Variants in NSG1 observed in about 807,000 individuals in gnomAD.
NSG1 encodes neuronal vesicle trafficking-associated protein 1.
A neutral mutation model predicts 19.3 loss-of-function variants in NSG1; 9 were observed. That is an observed-to-expected ratio of 0.47 (90% CI 0.28 to 0.81). The LOEUF (loss-of-function observed/expected upper bound fraction) is 0.81, where lower values mean the gene tolerates loss of function less well. Ranked by LOEUF, NSG1 falls within the 40% of genes least tolerant of loss-of-function variation. The pLI is 0.11. For missense variants in NSG1, 236 were observed against 242.4 expected, an observed-to-expected ratio of 0.97 and a Z score of 0.18; for synonymous variants, 104 against 107.0, an observed-to-expected ratio of 0.97 and a Z score of 0.17.
At chr4:4,401,099 A>G (rs1168449731) in intron 3 of NSG1, among the ~76,000 whole-genome samples, 5 of 152,384 alleles carry the variant, frequency 3.3e-5, no homozygotes, top group South Asian at 2.1e-4. Flanking sequence ...CGTGGGATGC[A>G]CAGCAATGAG....
intron 4 of NSG1, among the ~76,000 whole-genome samples, chr4:4,416,747 C>G (rs559333359): frequency 2.0e-5 from 3 of 152,142 alleles, no homozygotes; most frequent in Non-Finnish European, 4.4e-5. Context: ...CCTCTTCTGA[C>G]TCCCGCCCCA....
At chr4:4,410,697 G>A (rs1203919491) in intron 4 of NSG1, among the ~76,000 whole-genome samples, 1 of 152,220 alleles carries the variant, frequency 6.6e-6, no homozygotes, top group Non-Finnish European at 1.5e-5. Flanking sequence ...GGTCTGGGTG[G>A]GTGAGTGAGG....
intron 3 of NSG1, among the ~76,000 whole-genome samples, chr4:4,399,048 G>A (rs1170644454): frequency 2.0e-5 from 3 of 152,152 alleles, no homozygotes; most frequent in African/African-American, 7.2e-5. Flanking sequence ...ATGATGTCCT[G>A]CATCTTTTCA....
chr4:4,416,020 CA>C (rs1479460166), intron 4 of NSG1: 5 of 693,602 alleles, frequency 7.2e-6, no homozygotes, highest in African/African-American at 7.0e-5. Flanking sequence ...GGCTGTACTT[CA>C]GTGGTGTCTT....
intron 3 of NSG1, among the ~76,000 whole-genome samples, chr4:4,407,999 G>T (rs921033816): frequency 6.6e-6 from 1 of 152,092 alleles, no homozygotes; most frequent in Non-Finnish European, 1.5e-5. Flanking sequence ...CATGCTGCAC[G>T]GCTGATAGGA....
At chr4:4,400,623 C>T (rs1041933886) in intron 3 of NSG1, among the ~76,000 whole-genome samples, 1 of 152,088 alleles carries the variant, frequency 6.6e-6, no homozygotes, top group African/African-American at 2.4e-5. Context: ...CTTTAAGTTC[C>T]TTCAAAAATT....
intron 3 of NSG1, among the ~76,000 whole-genome samples, chr4:4,401,494 G>C (rs1426235486): frequency 1.3e-5 from 2 of 152,160 alleles, no homozygotes; most frequent in East Asian, 3.9e-4. Context: ...CTTTCTTCCT[G>C]CTGGACTCCC....
In NSG1 at chr4:4,404,646, A is replaced by G. The variant is rs183830358; in HGVS notation, c.247-4927A>G. ...TAGAGGAAGCTTAAAAGATACTGCA[A>G]GGTCCTGGAGGAAACGCCGATGTCT... On this transcript the variant is annotated intron_variant, in intron 3 of 4. Transcript: ENST00000621129. 5.4e-4 allele frequency among the ~76,000 whole-genome samples: 82 copies of G among 152,362 alleles called. No homozygotes were observed. In the Middle Eastern group the frequency reaches 0.017, roughly 32 times the overall value.
intron 3 of NSG1, among the ~76,000 whole-genome samples, chr4:4,402,047 ATTTTTT>A (rs35299425): frequency 3.3e-5 from 4 of 122,306 alleles, no homozygotes; most frequent in African/African-American, 1.2e-4. Flanking sequence ...TGCCCAGCTA[ATTTTTT>A]TTTTTTTTTT....
At chr4:4,389,921 G>T (rs7670059) in intron 2 of NSG1, among the ~76,000 whole-genome samples, 58,590 of 152,014 alleles carry the variant, frequency 0.39, 11,619 homozygotes, top group East Asian at 0.46. Context: ...AATGCCATGA[G>T]GTCACTACCA....
chr4:4,391,623 T>C (rs753192542), intron 3 of NSG1, 32 bp downstream of exon 3: 1 of 1,463,132 alleles, frequency 6.8e-7, no homozygotes, highest in Admixed American at 2.0e-5. Context: ...GAGATGCTGC[T>C]TTTGCCCCCA....
At chr4:4,407,378 C>A (rs138217417) in intron 3 of NSG1, among the ~76,000 whole-genome samples, 1 of 151,954 alleles carries the variant, frequency 6.6e-6, no homozygotes, top group Non-Finnish European at 1.5e-5. Context: ...TGTAGTGGGT[C>A]TGAGCTGGGG....
intron 3 of NSG1, among the ~76,000 whole-genome samples, chr4:4,398,452 C>A (rs190915633): frequency 6.6e-6 from 1 of 152,210 alleles, no homozygotes; most frequent in East Asian, 1.9e-4. Context: ...CATGCCCCCC[C>A]CCACAGCCCC....
At chr4:4,407,567 C>T (rs146088457) in intron 3 of NSG1, among the ~76,000 whole-genome samples, 6 of 152,290 alleles carry the variant, frequency 3.9e-5, no homozygotes, top group African/African-American at 9.6e-5. Context: ...AGAGAGGCCA[C>T]GTCCCTCAGC....
chr4:4,411,828 C>T (rs546628266), intron 4 of NSG1, among the ~76,000 whole-genome samples: 14 of 140,380 alleles, frequency 1.0e-4, no homozygotes, highest in East Asian at 5.8e-4. Context: ...TGGAGGAGCT[C>T]CCTGAAGCTC....
At chr4:4,399,264 C>T (rs1230839294) in intron 3 of NSG1, among the ~76,000 whole-genome samples, 1 of 152,020 alleles carries the variant, frequency 6.6e-6, no homozygotes, top group African/African-American at 2.4e-5. Context: ...CACCTCAGCC[C>T]CTGGAGTAGC....
intron 2 of NSG1, among the ~76,000 whole-genome samples, chr4:4,389,031 C>T (rs1031497799): frequency 4.6e-5 from 7 of 152,222 alleles, no homozygotes; most frequent in African/African-American, 1.4e-4. Flanking sequence ...GTCCAGTTAG[C>T]GGGGCCTGGC....
intron 4 of NSG1, among the ~76,000 whole-genome samples, chr4:4,411,766 A>AAAACACAACACAAC (rs1668399198): frequency 8.9e-6 from 1 of 112,132 alleles, no homozygotes; most frequent in African/African-American, 6.1e-5. Flanking sequence ...AACAAAACAA[A>AAAACACAACACAAC]ACAAAACAAA....
chr4:4,408,431 G>A (rs1388251707), intron 3 of NSG1, among the ~76,000 whole-genome samples: 3 of 152,214 alleles, frequency 2.0e-5, no homozygotes, highest in Non-Finnish European at 4.4e-5. Context: ...TGGGCAGGCG[G>A]AGGGCCATCT....
Sources: gnomAD v4.1 joint callset for allele counts (sites outside exome capture counted in the v4.1 genomes callset) on GRCh38, gnomAD v4.1.1 for gene constraint, MANE v1.5 for transcripts, NCBI Gene and HGNC (gene_info 2026-07-23, HGNC 2026-07-21) for gene names.